TRPA1: variants seen among roughly 807,000 people sequenced by gnomAD.
TRPA1 encodes the protein ankyrin-like with transmembrane domains 1.
TRPA1 carries 129 observed loss-of-function variants against 131.3 expected under a neutral mutation model. That is an observed-to-expected ratio of 0.98 (90% CI 0.85 to 1.14). TRPA1 has a LOEUF of 1.14. Ranked by LOEUF, TRPA1 falls within the 50% of genes most tolerant of loss-of-function variation. The pLI is 0.00. For synonymous variants in TRPA1, 441 were observed against 451.7 expected (o/e 0.98, Z 0.30); for missense variants, 1,304 against 1,354.2 (o/e 0.96, Z 0.58).
chr8:72,029,723 G>A (rs1343837815), intron 24 of TRPA1, 178 bp downstream of exon 24: 1 of 711,334 alleles, frequency 1.4e-6, no homozygotes, highest in African/African-American at 1.8e-5. Context: ...GCGAGGAACA[G>A]AACCCAGTCA....
chr8:72,072,489 T>C (rs1181717969), intron 1 of TRPA1, among the ~76,000 whole-genome samples: 2 of 152,230 alleles, frequency 1.3e-5, no homozygotes, highest in Non-Finnish European at 2.9e-5. Flanking sequence ...TGGTAGTCTC[T>C]TGAGATGTGT....
chr8:72,055,794 T>A lies in TRPA1; in HGVS notation c.1256A>T (p.Tyr419Phe), dbSNP rs765743123. Residue 419 changes from tyrosine to phenylalanine, a missense_variant, in exon 11 of 27, where the codon TAT becomes TTT. Coordinates refer to ENST00000262209, the MANE Select transcript of TRPA1 (RefSeq NM_007332.3). ...ACCAGGGCCCCCCTGTCTACATGCA[T>A]AATGTAGAGGAGTACACCCATCGTT... ...EDNDGCTPLHYACRQGGPGSV... is the reference protein window; with the variant it reads ...EDNDGCTPLHFACRQGGPGSV... 2.5e-6 allele frequency: 4 copies of A among 1,610,006 alleles called. No homozygotes were observed. The highest frequency in any genetic ancestry group is 2.2e-5 in the East Asian group (1 of 44,834).
Position 72,023,909 on chromosome 8 carries a change from A to G in TRPA1, c.3054T>C (p.His1018=). ...NKPRSGGMLF[H]IFCFLFCTGE... Reference sequence around the variant, plus strand: ...CAGTGCAAAATAAAAAACAGAATATATGCTGTCGGATAAAAAATAGTAGTT... The same window carrying G: ...CAGTGCAAAATAAAAAACAGAATATGTGCTGTCGGATAAAAAATAGTAGTT... Residue 1018 remains histidine (H), a splice_region_variant and synonymous_variant, in exon 26 of 27, where the codon CAT becomes CAC. Transcript: ENST00000262209. The G allele has an allele frequency of 6.4e-7, 1 of 1,572,190 alleles. No individual in the cohort carries two copies. Among genetic ancestry groups the G allele is most frequent in the South Asian group, 1.1e-5 (1 of 89,896 alleles).
At chr8:72,031,616 AAAAC>A (rs1440621794) in intron 23 of TRPA1, among the ~76,000 whole-genome samples, 5 of 152,084 alleles carry the variant, frequency 3.3e-5, no homozygotes, top group African/African-American at 7.2e-5. Flanking sequence ...AAAAAAACAA[AAAAC>A]AAACAAACAA....
the TRPA1 span, among the ~76,000 whole-genome samples, chr8:72,088,995 A>G: frequency 1.3e-5 from 2 of 152,214 alleles, no homozygotes; most frequent in African/African-American, 4.8e-5. Context: ...CTCCAGACAA[A>G]GGAAATCTTG....
At chr8:72,078,046 T>C (rs1806222429), upstream of TRPA1, among the ~76,000 whole-genome samples, 1 of 151,808 alleles carries the variant, frequency 6.6e-6, no homozygotes, top group African/African-American at 2.4e-5. Flanking sequence ...AAGGAAAATA[T>C]AGTTATATGC....
At chr8:72,086,409 C>T in the TRPA1 span, among the ~76,000 whole-genome samples, 15,974 of 152,018 alleles carry the variant, frequency 0.11, 1,280 homozygotes, top group African/African-American at 0.22. Flanking sequence ...TTAGGTTTTC[C>T]GCATTCTGTA....
intron 25 of TRPA1, among the ~76,000 whole-genome samples, chr8:72,025,388 C>G (rs957487422): frequency 6.6e-6 from 1 of 152,126 alleles, no homozygotes; most frequent in Non-Finnish European, 1.5e-5. Flanking sequence ...CCTTCACCTT[C>G]CACCATGATT....
At chr8:72,057,065 G>T in intron 9 of TRPA1, 48 bp from the exon 10 acceptor site, 1 of 1,431,890 alleles carries the variant, frequency 7.0e-7, no homozygotes, top group Non-Finnish European at 9.6e-7. Context: ...TTTATTTAAA[G>T]CAATGTTTAC....
intron 19 of TRPA1, among the ~76,000 whole-genome samples, chr8:72,038,472 G>A (rs10107349): frequency 0.36 from 54,852 of 151,710 alleles, 10,381 homozygotes; most frequent in East Asian, 0.55. Flanking sequence ...CACCATCACC[G>A]TTATCTAGTT....
At chr8:72,072,421 T>C (rs1806084183) in intron 1 of TRPA1, among the ~76,000 whole-genome samples, 1 of 152,224 alleles carries the variant, frequency 6.6e-6, no homozygotes, top group South Asian at 2.1e-4. Context: ...CTTAAACTTT[T>C]GAACTTTAGT....
At chr8:72,061,213 G>A (rs917545874) in intron 7 of TRPA1, among the ~76,000 whole-genome samples, 1 of 152,160 alleles carries the variant, frequency 6.6e-6, no homozygotes, top group Non-Finnish European at 1.5e-5. Flanking sequence ...TTGTTGGTGA[G>A]CAGGAGGGAT....
chr8:72,054,076 C>A, intron 12 of TRPA1: 2 of 567,884 alleles, frequency 3.5e-6, no homozygotes, highest in Non-Finnish European at 6.3e-6. Context: ...GATTCATACA[C>A]GTTTTTTACT....
chr8:72,029,133 T>A (rs975904309), intron 24 of TRPA1, among the ~76,000 whole-genome samples: 1 of 152,168 alleles, frequency 6.6e-6, no homozygotes, highest in East Asian at 1.9e-4. Context: ...AAATTTTACA[T>A]CAAATTGTCT....
At chr8:72,051,977 A>G (rs1046816375) in intron 14 of TRPA1, among the ~76,000 whole-genome samples, 31 of 152,256 alleles carry the variant, frequency 2.0e-4, no homozygotes, top group African/African-American at 7.5e-4. Flanking sequence ...ATTTAGGTAG[A>G]CATTTAGAAA....
intron 17 of TRPA1, among the ~76,000 whole-genome samples, chr8:72,040,436 A>C (rs1812214532): frequency 6.6e-6 from 1 of 152,088 alleles, no homozygotes; most frequent in South Asian, 2.1e-4. Flanking sequence ...CAAGGTGAGC[A>C]TGTAGCCAAA....
intron 17 of TRPA1, 78 bp from the exon 18 acceptor site, chr8:72,039,875 G>C: frequency 2.1e-6 from 2 of 961,724 alleles, no homozygotes; most frequent in South Asian, 2.6e-5. Context: ...TTATTGTCTG[G>C]TTTTATAACT....
chr8:72,079,703 T>C (rs985126910), upstream of TRPA1, among the ~76,000 whole-genome samples: 10 of 151,916 alleles, frequency 6.6e-5, no homozygotes, highest in African/African-American at 2.4e-4. Context: ...TGATGAAGCA[T>C]TGTTTCTGGG....
chr8:72,025,350 C>A (rs989385502), intron 25 of TRPA1, among the ~76,000 whole-genome samples: 3 of 152,070 alleles, frequency 2.0e-5, no homozygotes. Context: ...CTCCTTCCTG[C>A]TGCCTGTGAA....
Sources: gnomAD v4.1 joint callset for allele counts (sites outside exome capture counted in the v4.1 genomes callset) on GRCh38, gnomAD v4.1.1 for gene constraint, MANE v1.5 for transcripts, NCBI Gene and HGNC (gene_info 2026-07-23, HGNC 2026-07-21) for gene names.